The following B3GALT1 variants were observed in gnomAD, a reference collection of about 807,000 sequenced individuals.
B3GALT1 encodes beta-1,3-galactosyltransferase 1.
Under a neutral mutation model 23.2 loss-of-function variants are expected in B3GALT1, and 10 were observed. The ratio of observed to expected loss-of-function variants is 0.43; its 90% confidence interval spans 0.27 to 0.73. The LOEUF is 0.73. Ranked by LOEUF, B3GALT1 falls within the 30% of genes least tolerant of loss-of-function variation. The probability of loss-of-function intolerance (pLI) is 0.21; values close to 1 mark genes in which losing one functional copy is unlikely to be tolerated. For synonymous variants in B3GALT1, 156 were observed against 141.5 expected (o/e 1.10, Z -0.73); for missense variants, 299 against 405.4 (o/e 0.74, Z 2.25).
intron 2 of B3GALT1, among the ~76,000 whole-genome samples, chr2:167,616,010 A>T (rs1318498254): frequency 6.6e-6 from 1 of 152,108 alleles, no homozygotes; most frequent in Non-Finnish European, 1.5e-5. Context: ...TTTATGAGTT[A>T]TTCATGGTCA....
chr2:167,447,576 C>G (rs1699019930), intron 1 of B3GALT1, among the ~76,000 whole-genome samples: 1 of 152,158 alleles, frequency 6.6e-6, no homozygotes, highest in African/African-American at 2.4e-5. Context: ...CACCCCTCCC[C>G]CAGCCTCTCT....
At chr2:167,678,042 A>G (rs1157918127) in intron 3 of B3GALT1, among the ~76,000 whole-genome samples, 2 of 152,158 alleles carry the variant, frequency 1.3e-5, no homozygotes, top group African/African-American at 4.8e-5. Context: ...TCAAATTACA[A>G]TTCAATATGA....
At chr2:167,608,259 G>A (rs951566934) in intron 2 of B3GALT1, among the ~76,000 whole-genome samples, 6 of 152,154 alleles carry the variant, frequency 3.9e-5, no homozygotes, top group African/African-American at 1.4e-4. Context: ...ATAAGATAGA[G>A]AGTTGCTTAG....
chr2:167,435,983 GCACA>G (rs149818630), intron 1 of B3GALT1, among the ~76,000 whole-genome samples: 3 of 139,212 alleles, frequency 2.2e-5, no homozygotes, highest in Admixed American at 7.2e-5. Flanking sequence ...ACACACACAC[GCACA>G]CACACACACG....
At chr2:167,626,676 A>T (rs74898364) in intron 2 of B3GALT1, among the ~76,000 whole-genome samples, 2,319 of 151,920 alleles carry the variant, frequency 0.015, 71 homozygotes, top group African/African-American at 0.054. Flanking sequence ...TATCAATTTA[A>T]TGAAGAAAGT....
At chr2:167,823,863 AATATTTAGAT>A (rs1322557774) in intron 4 of B3GALT1, among the ~76,000 whole-genome samples, 1 of 152,260 alleles carries the variant, frequency 6.6e-6, no homozygotes, top group African/African-American at 2.4e-5. Context: ...TAAATTAGAT[AATATTTAGAT>A]ATAACAATTA....
At chr2:167,305,084 G>T (rs1402449309) in intron 1 of B3GALT1, among the ~76,000 whole-genome samples, 3 of 152,120 alleles carry the variant, frequency 2.0e-5, no homozygotes, top group Non-Finnish European at 4.4e-5. Context: ...TCATCCATCT[G>T]CACAGGCACA....
At chr2:167,593,664 TGAAC>T (rs1684722624) in intron 2 of B3GALT1, among the ~76,000 whole-genome samples, 1 of 152,182 alleles carries the variant, frequency 6.6e-6, no homozygotes, top group African/African-American at 2.4e-5. Context: ...AAAGAAGAAC[TGAAC>T]ACAGCCATTT....
intron 3 of B3GALT1, among the ~76,000 whole-genome samples, chr2:167,739,822 G>A (rs771908298): frequency 1.3e-5 from 2 of 151,146 alleles, no homozygotes; most frequent in Non-Finnish European, 2.9e-5. Flanking sequence ...CAGGCACAGG[G>A]ACTCACAGCT....
At chr2:167,864,810 A>G (rs1340922703) in intron 4 of B3GALT1, among the ~76,000 whole-genome samples, 1 of 152,156 alleles carries the variant, frequency 6.6e-6, no homozygotes, top group Admixed American at 6.5e-5. Flanking sequence ...TAACACTGTC[A>G]GGAATGAAAC....
At chr2:167,508,310 T>G (rs1699953408) in intron 2 of B3GALT1, among the ~76,000 whole-genome samples, 1 of 149,900 alleles carries the variant, frequency 6.7e-6, no homozygotes, top group African/African-American at 2.5e-5. Context: ...CAGGCTGGAG[T>G]GCAGTGGCAG....
chr2:167,302,783 A>C (rs1481838830), intron 1 of B3GALT1, among the ~76,000 whole-genome samples: 3 of 152,168 alleles, frequency 2.0e-5, no homozygotes, highest in African/African-American at 7.2e-5. Context: ...ATACAATTAA[A>C]GATTCTGTTA....
chr2:167,569,934 A>AT (rs1684259553), intron 2 of B3GALT1, among the ~76,000 whole-genome samples: 1 of 151,742 alleles, frequency 6.6e-6, no homozygotes, highest in African/African-American at 2.4e-5. Context: ...TGATCATGTG[A>AT]TTTTTCTCTT....
intron 4 of B3GALT1, among the ~76,000 whole-genome samples, chr2:167,832,701 T>G (rs1001611803): frequency 2.0e-5 from 3 of 152,260 alleles, no homozygotes; most frequent in African/African-American, 7.2e-5. Context: ...TTAGTTACTA[T>G]GCAATTGCAT....
chr2:167,566,474 A>T (rs1480534662), intron 2 of B3GALT1, among the ~76,000 whole-genome samples: 1 of 152,066 alleles, frequency 6.6e-6, no homozygotes, highest in Non-Finnish European at 1.5e-5. Context: ...CACATTGTGC[A>T]CATGTACCCT....
chr2:167,496,489 C>T (rs1013883506), intron 2 of B3GALT1, among the ~76,000 whole-genome samples: 3 of 152,034 alleles, frequency 2.0e-5, no homozygotes, highest in Admixed American at 6.6e-5. Context: ...AGGCTGTTGG[C>T]AGTGAAAAGA....
intron 1 of B3GALT1, among the ~76,000 whole-genome samples, chr2:167,438,853 T>G (rs1037956374): frequency 5.3e-5 from 8 of 152,334 alleles, no homozygotes; most frequent in African/African-American, 1.9e-4. Flanking sequence ...GGATTGATAC[T>G]GGGAGAAAGA....
intron 3 of B3GALT1, among the ~76,000 whole-genome samples, chr2:167,672,434 A>G (rs1472661475): frequency 6.6e-6 from 1 of 152,174 alleles, no homozygotes; most frequent in Non-Finnish European, 1.5e-5. Flanking sequence ...CACAGCCCTA[A>G]TGGAAGATGT....
chr2:167,590,628 T>C (rs1365996368), intron 2 of B3GALT1, among the ~76,000 whole-genome samples: 8 of 152,224 alleles, frequency 5.3e-5, no homozygotes, highest in Non-Finnish European at 1.0e-4. Context: ...TATGAGCAAC[T>C]GTCCTAGGCT....
Sources: gnomAD v4.1 joint callset for allele counts (sites outside exome capture counted in the v4.1 genomes callset) on GRCh38, gnomAD v4.1.1 for gene constraint, MANE v1.5 for transcripts, NCBI Gene and HGNC (gene_info 2026-07-23, HGNC 2026-07-21) for gene names.